GMDS: variants seen among roughly 807,000 people sequenced by gnomAD.
GMDS encodes GDP-mannose 4,6-dehydratase.
GMDS carries 20 observed loss-of-function variants against 49.9 expected under a neutral mutation model. The ratio of observed to expected loss-of-function variants is 0.40; its 90% CI spans 0.28 to 0.58. The LOEUF is 0.58. GMDS is among the 20% of genes least tolerant of loss of function. The pLI is 0.42. For synonymous variants in GMDS, 177 were observed against 178.6 expected, an observed-to-expected ratio of 0.99 and a Z score of 0.07; for missense variants, 362 against 481.4, an observed-to-expected ratio of 0.75 and a Z score of 2.32.
At chr6:1,854,318 C>T (rs1299425938) in intron 7 of GMDS, among the ~76,000 whole-genome samples, 1 of 152,130 alleles carries the variant, frequency 6.6e-6, no homozygotes, top group Non-Finnish European at 1.5e-5. Flanking sequence ...CAAACAAGGG[C>T]AAAAATACCA....
chr6:1,981,696 A>C (rs1765228454), intron 4 of GMDS, among the ~76,000 whole-genome samples: 1 of 152,198 alleles, frequency 6.6e-6, no homozygotes, highest in African/African-American at 2.4e-5. Context: ...GCTGACACCA[A>C]AACCTAGCAG....
intron 6 of GMDS, among the ~76,000 whole-genome samples, chr6:1,953,859 T>C (rs1168232099): frequency 6.6e-6 from 1 of 152,186 alleles, no homozygotes; most frequent in Admixed American, 6.5e-5. Context: ...TTCCCCATAG[T>C]TCACAACTTA....
At chr6:1,817,477 C>T (rs1005117882) in intron 7 of GMDS, among the ~76,000 whole-genome samples, 2 of 152,154 alleles carry the variant, frequency 1.3e-5, no homozygotes, top group Non-Finnish European at 2.9e-5. Context: ...TTAAGTTTTA[C>T]TCCGAGGGTT....
At chr6:1,662,244 T>C (rs1764104155) in intron 9 of GMDS, among the ~76,000 whole-genome samples, 1 of 152,050 alleles carries the variant, frequency 6.6e-6, no homozygotes, top group African/African-American at 2.4e-5. Flanking sequence ...GAAACTGAGG[T>C]GGCAATGGTG....
chr6:1,776,225 C>T (rs186858675), intron 7 of GMDS, among the ~76,000 whole-genome samples: 7 of 152,328 alleles, frequency 4.6e-5, no homozygotes, highest in Admixed American at 3.9e-4. Flanking sequence ...TTTCTCTTTC[C>T]ATCGAGTTTG....
intron 7 of GMDS, among the ~76,000 whole-genome samples, chr6:1,805,687 C>G (rs1307286734): frequency 6.6e-6 from 1 of 152,010 alleles, no homozygotes; most frequent in African/African-American, 2.4e-5. Flanking sequence ...ATATTTTTGT[C>G]TGGGAAAATA....
chr6:1,765,339 A>G (rs1768309261), intron 7 of GMDS, among the ~76,000 whole-genome samples: 1 of 152,146 alleles, frequency 6.6e-6, no homozygotes, highest in South Asian at 2.1e-4. Flanking sequence ...CTCTTTTCCT[A>G]GAGCTGGGGA....
chr6:2,068,115 A>T (rs371517864), intron 4 of GMDS, among the ~76,000 whole-genome samples: 1 of 145,908 alleles, frequency 6.9e-6, no homozygotes, highest in Admixed American at 7.0e-5. Context: ...TTCAATATAC[A>T]CAAATCAATA....
At chr6:1,858,361 A>C (rs1758033090) in intron 7 of GMDS, among the ~76,000 whole-genome samples, 1 of 152,156 alleles carries the variant, frequency 6.6e-6, no homozygotes, top group East Asian at 1.9e-4. Context: ...TATGCTGTTA[A>C]CCTTACTTTA....
chr6:2,236,952 A>G (rs929574813), intron 1 of GMDS, among the ~76,000 whole-genome samples: 7 of 152,218 alleles, frequency 4.6e-5, no homozygotes, highest in Admixed American at 3.9e-4. Context: ...AATCCCTAGT[A>G]AATACCTTTA....
intron 9 of GMDS, among the ~76,000 whole-genome samples, chr6:1,686,879 A>C (rs1001991428): frequency 3.3e-5 from 5 of 152,224 alleles, no homozygotes; most frequent in Admixed American, 6.5e-5. Context: ...GAGGCAATAC[A>C]ATTTTTTTAA....
At chr6:2,038,954 T>C (rs890089485) in intron 4 of GMDS, among the ~76,000 whole-genome samples, 1 of 152,206 alleles carries the variant, frequency 6.6e-6, no homozygotes, top group Admixed American at 6.5e-5. Context: ...ATGTATCACA[T>C]AACAGCGGGG....
intron 1 of GMDS, among the ~76,000 whole-genome samples, chr6:2,202,429 CTTTCTA>C (rs1468557678): frequency 3.0e-4 from 31 of 104,900 alleles, no homozygotes; most frequent in Admixed American, 1.7e-3. Context: ...CTGCCAATTT[CTTTCTA>C]TTTTTTTTTT....
Position 1,904,318 on chromosome 6 carries a change from G to A in GMDS, c.771+25785C>T, listed in dbSNP as rs61659654. Among the ~76,000 whole-genome samples the A allele has an allele frequency of 1.6e-3, 242 of 152,234 alleles. 1 individual carries two copies. Among genetic ancestry groups the A allele is most frequent in the African/African-American group, 5.4e-3 (223 of 41,538 alleles). On this transcript the variant is annotated intron_variant, in intron 7 of 10. Transcript: ENST00000380815. ...TCTCTGGGAAAAGGAGGAAACCCTG[G>A]GGGCCTTACTGTTAATCAGGACTCT...
chr6:1,891,959 T>TA (rs564469415), intron 7 of GMDS, among the ~76,000 whole-genome samples: 2 of 152,220 alleles, frequency 1.3e-5, no homozygotes, highest in African/African-American at 4.8e-5. Flanking sequence ...ATTCAGTAGT[T>TA]ACGCCATATA....
intron 7 of GMDS, among the ~76,000 whole-genome samples, chr6:1,845,981 C>T (rs1192166023): frequency 6.6e-6 from 1 of 151,972 alleles, no homozygotes; most frequent in Non-Finnish European, 1.5e-5. Flanking sequence ...GCATTGAATC[C>T]TTGGCCTGAA....
At chr6:1,823,569 C>T (rs1285135975) in intron 7 of GMDS, among the ~76,000 whole-genome samples, 1 of 152,024 alleles carries the variant, frequency 6.6e-6, no homozygotes, top group African/African-American at 2.4e-5. Context: ...GGATTCCTAC[C>T]CCCCACCACT....
chr6:1,748,306 A>C (rs910416191), intron 7 of GMDS, among the ~76,000 whole-genome samples: 4 of 152,022 alleles, frequency 2.6e-5, no homozygotes, highest in Admixed American at 1.3e-4. Flanking sequence ...AATATATCTT[A>C]TCTCTTCTAT....
chr6:1,923,932 T>C (rs1481450947), intron 7 of GMDS, among the ~76,000 whole-genome samples: 1 of 152,188 alleles, frequency 6.6e-6, no homozygotes, highest in East Asian at 1.9e-4. Flanking sequence ...CAGAGGCTCC[T>C]CACCTTCCCC....
Sources: allele counts gnomAD v4.1 joint callset (sites outside exome capture counted in the v4.1 genomes callset), GRCh38; gene constraint gnomAD v4.1.1; transcripts MANE v1.5; gene names NCBI Gene and HGNC (gene_info 2026-07-23, HGNC 2026-07-21).